The following RANBP9 variants were observed in gnomAD, a reference collection of about 807,000 sequenced individuals.
The protein encoded by RANBP9 is RAN binding protein 9.
A neutral mutation model predicts 84.3 loss-of-function variants in RANBP9; 15 were observed. The ratio of observed to expected loss-of-function variants is 0.18; its 90% CI spans 0.12 to 0.27. The LOEUF is 0.27. RANBP9 is among the 10% of genes least tolerant of loss of function. The pLI, the probability that RANBP9 is intolerant of heterozygous loss-of-function variation, is 1.00. For missense variants in RANBP9, 809 were observed against 912.8 expected, an observed-to-expected ratio of 0.89 and a Z score of 1.46; for synonymous variants, 392 against 349.6, an observed-to-expected ratio of 1.12 and a Z score of -1.35.
chr6:13,639,514 G>C, intron 9 of RANBP9, 49 bp downstream of exon 9: 2 of 1,527,788 alleles, frequency 1.3e-6, no homozygotes, highest in Non-Finnish European at 1.8e-6. Context: ...AAAGGTTTAA[G>C]ATTATAAAGA....
chr6:13,677,443 T>C lies in RANBP9; in HGVS notation c.684-18611A>G, dbSNP rs1371134910. Among the ~76,000 whole-genome samples the C allele has an allele frequency of 1.3e-5, 2 of 152,210 alleles. 1 individual carries two copies. The highest frequency in any genetic ancestry group is 6.3e-3 in the Middle Eastern group (2 of 316). On this transcript the variant is annotated intron_variant, in intron 2 of 13. Coordinates refer to ENST00000011619, the MANE Select transcript of RANBP9 (RefSeq NM_005493.3). ...GAATAGTTTATTCATGTATATAAGT[T>C]ACTGACACAGTAAGAGGGATCTTTT...
At chr6:13,709,644 T>G (rs1393353554) in intron 1 of RANBP9, among the ~76,000 whole-genome samples, 1 of 152,248 alleles carries the variant, frequency 6.6e-6, no homozygotes, top group East Asian at 1.9e-4. Flanking sequence ...GGATAACACT[T>G]GGAAGTACTT....
intron 2 of RANBP9, among the ~76,000 whole-genome samples, chr6:13,678,768 C>G (rs891363321): frequency 6.6e-6 from 1 of 152,088 alleles, no homozygotes; most frequent in Non-Finnish European, 1.5e-5. Flanking sequence ...ATGCAGTGAC[C>G]CTCCCTGAGA....
intron 2 of RANBP9, among the ~76,000 whole-genome samples, chr6:13,679,209 A>C (rs949585122): frequency 6.6e-6 from 1 of 152,226 alleles, no homozygotes; most frequent in African/African-American, 2.4e-5. Flanking sequence ...AGTTCACAAT[A>C]ATATACACCA....
At chr6:13,678,853 A>G (rs1030654552) in intron 2 of RANBP9, among the ~76,000 whole-genome samples, 1 of 152,134 alleles carries the variant, frequency 6.6e-6, no homozygotes, top group African/African-American at 2.4e-5. Flanking sequence ...ACTTTACCAC[A>G]CCGTATCCAA....
At chr6:13,692,553 A>C (rs10948863) in intron 2 of RANBP9, among the ~76,000 whole-genome samples, 53 of 146,344 alleles carry the variant, frequency 3.6e-4, no homozygotes, top group African/African-American at 1.1e-3. Flanking sequence ...AAAAAAAAAA[A>C]ACACAAAAAA....
intron 1 of RANBP9, among the ~76,000 whole-genome samples, chr6:13,699,614 G>C (rs1345444996): frequency 1.3e-5 from 2 of 152,138 alleles, no homozygotes; most frequent in Non-Finnish European, 2.9e-5. Context: ...TGTAATTCCA[G>C]CACTTTGGGA....
chr6:13,666,060 A>G (rs59120082), intron 2 of RANBP9, among the ~76,000 whole-genome samples: 60,777 of 151,868 alleles, frequency 0.4, 12,615 homozygotes, highest in Admixed American at 0.51. Flanking sequence ...ATGGGCATAC[A>G]CATCTGCAAA....
intron 2 of RANBP9, among the ~76,000 whole-genome samples, chr6:13,680,574 CAACAAAAATAAA>C: frequency 6.6e-6 from 1 of 151,334 alleles, no homozygotes; most frequent in East Asian, 1.9e-4. Flanking sequence ...GACCCTGTCC[CAACAAAAATAAA>C]AATAAAAATA....
chr6:13,647,910 AAAC>A (rs1020078086), intron 5 of RANBP9, among the ~76,000 whole-genome samples: 6 of 152,136 alleles, frequency 3.9e-5, no homozygotes, highest in South Asian at 2.1e-4. Flanking sequence ...AGATTTTAAA[AAAC>A]AACGGCCTTC....
chr6:13,697,888 G>A (rs533599622), intron 1 of RANBP9, among the ~76,000 whole-genome samples: 5 of 152,214 alleles, frequency 3.3e-5, no homozygotes, highest in Middle Eastern at 3.4e-3. Flanking sequence ...TACAAACTTC[G>A]CATTAATCTT....
chr6:13,689,287 T>C (rs1350819280), intron 2 of RANBP9, among the ~76,000 whole-genome samples: 1 of 151,620 alleles, frequency 6.6e-6, no homozygotes, highest in Non-Finnish European at 1.5e-5. Context: ...TTTTTTTTTT[T>C]GAGAGATGAA....
intron 2 of RANBP9, among the ~76,000 whole-genome samples, chr6:13,660,272 A>G (rs558025658): frequency 1.3e-5 from 2 of 152,264 alleles, no homozygotes; most frequent in African/African-American, 4.8e-5. Flanking sequence ...ACTTTCAGAG[A>G]CTGAAGCAGG....
At chr6:13,638,058 T>TAGG in intron 9 of RANBP9, 103 bp from the exon 10 acceptor site, 3 of 1,078,838 alleles carry the variant, frequency 2.8e-6, no homozygotes, top group Non-Finnish European at 3.8e-6. Context: ...TTCTAGAACG[T>TAGG]AGGAGAGTCA....
chr6:13,656,697 G>A (rs1765408339), intron 4 of RANBP9, among the ~76,000 whole-genome samples: 1 of 152,092 alleles, frequency 6.6e-6, no homozygotes, highest in Non-Finnish European at 1.5e-5. Context: ...TCATATGCTT[G>A]TGGCATCAAG....
chr6:13,698,046 CCA>C (rs2113359424), intron 1 of RANBP9, among the ~76,000 whole-genome samples: 1 of 152,214 alleles, frequency 6.6e-6, no homozygotes, highest in South Asian at 2.1e-4. Context: ...TCCTCCCTTA[CCA>C]CACACTTGAC....
At chr6:13,686,417 C>A (rs918658776) in intron 2 of RANBP9, among the ~76,000 whole-genome samples, 1 of 151,974 alleles carries the variant, frequency 6.6e-6, no homozygotes, top group Admixed American at 6.6e-5. Context: ...TCCCAAGTAA[C>A]TGGGTACAGG....
Position 13,711,276 on chromosome 6 carries a change from G to T in RANBP9, c.230C>A (p.Pro77Gln). The change falls in exon 1 of 14, where the codon CCG becomes CAG. Residue 77 changes from proline to glutamine, a missense_variant. Physicochemically the swap from Pro to Gln is moderately conservative, Grantham distance 76. Transcript: ENST00000011619. The part of the protein sequence containing the change: ...LLLHPPPPPP[P>Q]ATAAPPPPPP... ...CGGGGGCGGCGGGGCCGCGGTGGCC[G>T]GGGGCGGCGGCGGCGGAGGGTGGAG... 1 of 991,756 alleles carries T rather than the reference G, an allele frequency of 1.0e-6. No individual in the cohort carries two copies. Among genetic ancestry groups the T allele is most frequent in the Non-Finnish European group, 1.2e-6 (1 of 835,446 alleles). The allele number at this position is 991,756 out of a possible 1,614,324, so 61.4% of individuals were successfully genotyped here.
Position 13,625,683 on chromosome 6 carries a change from C to T in RANBP9, c.2029G>A (p.Val677Met). The part of the protein sequence containing the change: ...NQLDPIQREP[V>M]CSALNSAILE... ...ATTGCACTGTTAAGAGCTGAGCACA[C>T]AGGTTCTCTCTGAATCGGGTCAAGC... The change falls in exon 13 of 14, where the codon GTG becomes ATG. Residue 677 changes from valine (V) to methionine (M), a missense_variant. Physicochemically the swap from Val to Met is conservative, Grantham distance 21 (BLOSUM62 1). Coordinates refer to ENST00000011619, the MANE Select transcript of RANBP9 (RefSeq NM_005493.3). 6.2e-7 allele frequency: 1 copy of T among 1,612,352 alleles called. No homozygotes were observed.
Sources: gnomAD v4.1 joint callset for allele counts (sites outside exome capture counted in the v4.1 genomes callset) on GRCh38, gnomAD v4.1.1 for gene constraint, MANE v1.5 for transcripts, NCBI Gene and HGNC (gene_info 2026-07-23, HGNC 2026-07-21) for gene names.